The following FAM171A1 variants were observed in gnomAD, a reference collection of about 807,000 sequenced individuals.
FAM171A1 encodes protein FAM171A1.
FAM171A1 carries 23 observed loss-of-function variants against 74.9 expected under a neutral mutation model. The ratio of observed to expected loss-of-function variants is 0.31; its 90% CI spans 0.22 to 0.44. FAM171A1 has a LOEUF of 0.44. Ranked by LOEUF, FAM171A1 falls within the 20% of genes least tolerant of loss-of-function variation. The probability of loss-of-function intolerance (pLI) is 1.00; values close to 1 mark genes in which losing one functional copy is unlikely to be tolerated. For synonymous variants in FAM171A1, 527 were observed against 505.7 expected (o/e 1.04, Z -0.57); for missense variants, 1,162 against 1,159.2 (o/e 1.00, Z -0.03).
intron 1 of FAM171A1, among the ~76,000 whole-genome samples, chr10:15,312,852 C>G (rs537634481): frequency 6.6e-6 from 1 of 151,410 alleles, no homozygotes; most frequent in African/African-American, 2.4e-5. Flanking sequence ...CCCACCACCA[C>G]GCCCGGTTAA....
At chr10:15,313,739 T>G (rs914180169) in intron 1 of FAM171A1, among the ~76,000 whole-genome samples, 22 of 152,082 alleles carry the variant, frequency 1.4e-4, no homozygotes, top group African/African-American at 5.3e-4. Context: ...CTTCCCACGG[T>G]GAATAATGCC....
intron 1 of FAM171A1, among the ~76,000 whole-genome samples, chr10:15,330,925 C>T (rs1375805366): frequency 1.1e-4 from 17 of 150,836 alleles, no homozygotes; most frequent in Non-Finnish European, 1.8e-4. Flanking sequence ...GTCCTCACTG[C>T]ATTGCCCAGG....
At chr10:15,262,199 C>G (rs936117657) in intron 3 of FAM171A1, among the ~76,000 whole-genome samples, 4 of 152,002 alleles carry the variant, frequency 2.6e-5, no homozygotes. Flanking sequence ...GTGAAAGATT[C>G]CGATTTGTTT....
chr10:15,336,595 A>G (rs1482918322), intron 1 of FAM171A1, among the ~76,000 whole-genome samples: 1 of 152,150 alleles, frequency 6.6e-6, no homozygotes, highest in African/African-American at 2.4e-5. Context: ...ATCCACACGG[A>G]CTTATGATGT....
At chr10:15,335,198 C>T (rs1013053506) in intron 1 of FAM171A1, among the ~76,000 whole-genome samples, 6 of 152,158 alleles carry the variant, frequency 3.9e-5, no homozygotes, top group Non-Finnish European at 5.9e-5. Context: ...GAGCAGAGAT[C>T]ATGCCACTGC....
intron 3 of FAM171A1, among the ~76,000 whole-genome samples, chr10:15,257,362 G>GCAGC (rs1342572209): frequency 7.2e-5 from 11 of 152,120 alleles, no homozygotes; most frequent in African/African-American, 2.4e-4. Flanking sequence ...CCCAGGATAC[G>GCAGC]CAGCCTAGCC....
At chr10:15,246,307 G>A (rs1452717153) in intron 5 of FAM171A1, among the ~76,000 whole-genome samples, 1 of 152,102 alleles carries the variant, frequency 6.6e-6, no homozygotes, top group Admixed American at 6.5e-5. Context: ...AATAATTACA[G>A]TGTCTCTATT....
intron 5 of FAM171A1, among the ~76,000 whole-genome samples, chr10:15,228,671 T>C (rs1375057479): frequency 6.6e-6 from 1 of 152,216 alleles, no homozygotes; most frequent in Admixed American, 6.5e-5. Context: ...TGCTGAGATT[T>C]GTTAGCATGT....
rs1005028821 is a variant in FAM171A1 at position 15,284,183 on chromosome 10, G to A, written c.98-78C>T. On this transcript the variant is annotated intron_variant, in intron 1 of 7. Coordinates refer to ENST00000378116, the MANE Select transcript of FAM171A1 (RefSeq NM_001010924.2). ...AGCAACTCTGGTATGACTGTGATGGGAAGTGGAAGGAGGGCTCTGTAAGGA... is the reference window on the plus strand; with the variant it reads ...AGCAACTCTGGTATGACTGTGATGGAAAGTGGAAGGAGGGCTCTGTAAGGA... The A allele has an allele frequency of 3.0e-6, 4 of 1,323,968 alleles. No homozygotes were observed. The South Asian group carries it at 3.9e-5, about 13-fold the overall frequency. 82.0% of individuals were successfully genotyped at this position (1,323,968 alleles called of 1,614,324 possible).
intron 1 of FAM171A1, among the ~76,000 whole-genome samples, chr10:15,334,602 C>G (rs1382379798): frequency 6.6e-6 from 1 of 152,204 alleles, no homozygotes; most frequent in Non-Finnish European, 1.5e-5. Context: ...ACATCAATAG[C>G]TCCTAGAGCA....
intron 1 of FAM171A1, among the ~76,000 whole-genome samples, chr10:15,342,953 G>A (rs1356379275): frequency 1.3e-5 from 2 of 152,166 alleles, no homozygotes; most frequent in African/African-American, 4.8e-5. Flanking sequence ...GTGAGCAAAG[G>A]TTCTGTCCTT....
intron 3 of FAM171A1, among the ~76,000 whole-genome samples, chr10:15,263,242 G>C (rs954692885): frequency 6.6e-6 from 1 of 152,104 alleles, no homozygotes; most frequent in Admixed American, 6.5e-5. Flanking sequence ...TAGAGGCTCC[G>C]GGAGCCAGAG....
At chr10:15,217,477 A>C (rs1227591345) in intron 6 of FAM171A1, among the ~76,000 whole-genome samples, 1 of 152,180 alleles carries the variant, frequency 6.6e-6, no homozygotes, top group East Asian at 1.9e-4. Flanking sequence ...TAAACCCAAG[A>C]TTTACCAGTT....
chr10:15,283,841 T>C, intron 2 of FAM171A1, 37 bp downstream of exon 2: 1 of 1,602,388 alleles, frequency 6.2e-7, no homozygotes, highest in South Asian at 1.1e-5. Context: ...CACCAGCCAA[T>C]GCCCTCTGTG....
chr10:15,213,287 C>T lies in FAM171A1; in HGVS notation c.2301G>A (p.Pro767=), dbSNP rs571519390. Reference sequence around the variant, plus strand: ...CTTTCTGCTGGTGCTCTTGGACGGGCGGGTAGTTCTGCTGCAGAGACAAAG... The same window carrying T: ...CTTTCTGCTGGTGCTCTTGGACGGGTGGGTAGTTCTGCTGCAGAGACAAAG... ...GDALSLQQNY[P]PVQEHQQKEP... Residue 767 remains proline (P), a synonymous_variant, in exon 8 of 8, where the codon CCG becomes CCA. Coordinates refer to ENST00000378116, the MANE Select transcript of FAM171A1 (RefSeq NM_001010924.2). This position sits in a 1 kb window ranked among gnomAD's most constrained non-coding sequence, Gnocchi z 6.8. 11 of 1,614,044 alleles carry T rather than the reference C, an allele frequency of 6.8e-6. No individual in the cohort carries two copies. Among genetic ancestry groups the T allele is most frequent in the East Asian group, 6.7e-5 (3 of 44,872 alleles).
chr10:15,309,606 CA>C (rs1835336395), intron 1 of FAM171A1, among the ~76,000 whole-genome samples: 2 of 152,256 alleles, frequency 1.3e-5, no homozygotes, highest in South Asian at 4.1e-4. Context: ...AAGCAAACCA[CA>C]GCATTCAAAG....
Position 15,344,966 on chromosome 10 carries a change from A to C in FAM171A1, c.97+25990T>G, listed in dbSNP as rs1166942086. On this transcript the variant is annotated intron_variant, in intron 1 of 7. Coordinates refer to ENST00000378116, the MANE Select transcript of FAM171A1 (RefSeq NM_001010924.2). ...GAACAAAGGACACAGCAGAAAGGAA[A>C]CACAGCTGAGCAAATCGATGGAACA... is the stretch of plus-strand genomic sequence containing the variant. Among the ~76,000 whole-genome samples the C allele has an allele frequency of 2.6e-5, 4 of 152,254 alleles. No individual in the cohort carries two copies. In the East Asian group the frequency reaches 7.7e-4, roughly 29 times the overall value.
At position 15,329,064 on chromosome 10, in the gene FAM171A1, G is replaced by A. The variant is rs78719298; in HGVS notation, c.97+41892C>T. On this transcript the variant is annotated intron_variant, in intron 1 of 7. Coordinates refer to ENST00000378116, the MANE Select transcript of FAM171A1 (RefSeq NM_001010924.2). ...GGCAGTGGGTCACTGCTGCTGACAC[G>A]GTGACAGGTGGGAGGACGCCCTCAG... Among the ~76,000 whole-genome samples the A allele has an allele frequency of 1.0e-2, 1,518 of 152,262 alleles. 20 individuals are homozygous for A. The highest frequency in any genetic ancestry group is 0.034 in the African/African-American group (1,423 of 41,556).
chr10:15,345,696 T>G (rs1835810380), intron 1 of FAM171A1, among the ~76,000 whole-genome samples: 1 of 152,104 alleles, frequency 6.6e-6, no homozygotes, highest in African/African-American at 2.4e-5. Context: ...AGGTCAGGCC[T>G]GGGATCCTAG....
Sources: allele counts gnomAD v4.1 joint callset (sites outside exome capture counted in the v4.1 genomes callset), GRCh38; gene constraint gnomAD v4.1.1; non-coding constraint Gnocchi (gnomAD v3.1); transcripts MANE v1.5; gene names NCBI Gene and HGNC (gene_info 2026-07-23, HGNC 2026-07-21).